The following DIP2A variants were observed in gnomAD, a reference collection of about 807,000 sequenced individuals.
The protein encoded by DIP2A is DIP2 acetate--CoA ligase A.
A neutral mutation model predicts 177.4 loss-of-function variants in DIP2A; 85 were observed. The observed-to-expected ratio is 0.48, with a 90% CI of 0.40 to 0.57. DIP2A has a LOEUF of 0.57. DIP2A is among the 20% of genes least tolerant of loss of function. The pLI is 0.00. For missense variants in DIP2A, 1,791 were observed against 2,100.2 expected, an observed-to-expected ratio of 0.85 and a Z score of 2.88; for synonymous variants, 886 against 881.8, an observed-to-expected ratio of 1.00 and a Z score of -0.08.
At chr21:46,520,284 CAA>C (rs541001946) in intron 8 of DIP2A, among the ~76,000 whole-genome samples, 127 of 152,232 alleles carry the variant, frequency 8.3e-4, no homozygotes, top group Middle Eastern at 3.4e-3. Context: ...AAAAACAAAA[CAA>C]AGAATCAGCA....
rs77476181 is a variant in DIP2A at position 46,515,871 on chromosome 21, A to G, written c.1102+4257A>G. On this transcript the variant is annotated intron_variant, in intron 8 of 37. Transcript: ENST00000417564. Reference sequence around the variant, plus strand: ...TGTTTGTTTGTTGTTTTAATCAACCATACATTTTTATTCTTTCTTTTACTA... The same window carrying G: ...TGTTTGTTTGTTGTTTTAATCAACCGTACATTTTTATTCTTTCTTTTACTA... 6.3e-3 allele frequency among the ~76,000 whole-genome samples: 952 copies of G among 152,244 alleles called. 12 individuals carry two copies. The highest frequency in any genetic ancestry group is 0.022 in the African/African-American group (915 of 41,542).
chr21:46,576,486 G>A, the DIP2A span, among the ~76,000 whole-genome samples: 1 of 152,116 alleles, frequency 6.6e-6, no homozygotes, highest in Non-Finnish European at 1.5e-5. Context: ...AGTATTCCAT[G>A]GTGTAAATGT....
rs994620477 is a variant in DIP2A, at chr21:46,563,436, G to A, written c.4090-422G>A. 6.6e-5 allele frequency among the ~76,000 whole-genome samples: 10 copies of A among 152,154 alleles called. No individual in the cohort carries two copies. The highest frequency in any genetic ancestry group is 6.5e-5 in the Admixed American group (1 of 15,282). ...CAGTGCTCAGTGGTTGGACTGACTC[G>A]GAGTCACGGGCAGGAAGAACTTCCT... On this transcript the variant is annotated intron_variant, in intron 34 of 37. Coordinates refer to ENST00000417564, the MANE Select transcript of DIP2A (RefSeq NM_015151.4). The surrounding 1 kb of genome is among the most constrained non-coding windows in gnomAD (Gnocchi z 4.3).
intron 1 of DIP2A, among the ~76,000 whole-genome samples, chr21:46,472,611 A>G (rs1375994958): frequency 2.0e-5 from 3 of 152,242 alleles, no homozygotes; most frequent in Non-Finnish European, 4.4e-5. Flanking sequence ...GGGGATGGAC[A>G]TGAAGACAAA....
Position 46,537,628 on chromosome 21 carries a change from CAT to C in DIP2A, c.1801+90_1801+91del, listed in dbSNP as rs2059628931. The C allele has an allele frequency of 1.6e-6, 2 of 1,276,518 alleles. No homozygotes were observed. The highest frequency in any genetic ancestry group is 1.5e-5 in the African/African-American group (1 of 67,562). The allele number at this position is 1,276,518 out of a possible 1,614,324, so 79.1% of individuals were successfully genotyped here. ...GGTGCTTAAGAAAAAATAAAGCTGA[CAT>C]GTGGAACTGCAGATGTAGGCTGAAG... On this transcript the variant is annotated intron_variant, in intron 15 of 37. Coordinates refer to ENST00000417564, the MANE Select transcript of DIP2A (RefSeq NM_015151.4). The surrounding 1 kb of genome is among the most constrained non-coding windows in gnomAD (Gnocchi z 4.1).
At chr21:46,532,785 A>G (rs1413165940) in intron 10 of DIP2A, among the ~76,000 whole-genome samples, 1 of 152,190 alleles carries the variant, frequency 6.6e-6, no homozygotes, top group Non-Finnish European at 1.5e-5. Context: ...TTGCTGATCT[A>G]GGTATCTGTA....
At position 46,458,908 on chromosome 21, in the gene DIP2A, C is replaced by G. The variant is rs1601254385; in HGVS notation, c.-224C>G. The G allele has an allele frequency of 2.5e-5, 6 of 243,788 alleles. No homozygotes were observed. The South Asian group carries it at 1.0e-3, about 42-fold the overall frequency. The allele number at this position is 243,788 out of a possible 1,614,324, so 15.1% of individuals were successfully genotyped here. On this transcript the variant is annotated 5_prime_UTR_variant, in exon 1 of 38. Transcript: ENST00000417564. ...GCGCTCCCGTGTAGGGCCGGCCGGGCGCTCAGGAGCGCGCGGGGCAGCGGC... is the reference window on the plus strand; with the variant it reads ...GCGCTCCCGTGTAGGGCCGGCCGGGGGCTCAGGAGCGCGCGGGGCAGCGGC...
chr21:46,541,264 A>C (rs2059805123), intron 17 of DIP2A, among the ~76,000 whole-genome samples: 1 of 152,142 alleles, frequency 6.6e-6, no homozygotes, highest in Admixed American at 6.5e-5. Context: ...GAGCTTAGGA[A>C]GGCCTCTGCC....
the DIP2A span, among the ~76,000 whole-genome samples, chr21:46,580,975 T>C: frequency 1.3e-5 from 2 of 152,216 alleles, no homozygotes; most frequent in African/African-American, 4.8e-5. Context: ...ATTTCCTGAA[T>C]TTGAATGTTG....
At chr21:46,497,134 C>CT (rs11315869) in intron 4 of DIP2A, 27 bp downstream of exon 4, 7 of 1,596,442 alleles carry the variant, frequency 4.4e-6, no homozygotes, top group African/African-American at 1.4e-5. Context: ...TCAAGTGTGG[C>CT]TTTTTTTTGA....
At chr21:46,465,669 G>A (rs933968047) in intron 1 of DIP2A, among the ~76,000 whole-genome samples, 2 of 151,812 alleles carry the variant, frequency 1.3e-5, no homozygotes, top group African/African-American at 4.8e-5. Flanking sequence ...TATATTATTC[G>A]CTACCTCTCC....
chr21:46,567,366 G>T lies in DIP2A; in HGVS notation c.4464-4G>T. 6.2e-7 allele frequency: 1 copy of T among 1,611,590 alleles called. No individual in the cohort carries two copies. Among genetic ancestry groups the T allele is most frequent in the Non-Finnish European group, 8.5e-7 (1 of 1,178,438 alleles). ...ATGTGACCCAGTCTGTCTTCTCTCT[G>T]CAGTGCCGTATTCACCTGGACCAAC... On this transcript the variant is annotated splice_polypyrimidine_tract_variant and splice_region_variant and intron_variant, in intron 37 of 37. Coordinates refer to ENST00000417564, the MANE Select transcript of DIP2A (RefSeq NM_015151.4).
In DIP2A at chr21:46,568,335, A is replaced by T. The variant is rs1373809617; in HGVS notation, c.*713A>T. On this transcript the variant is annotated 3_prime_UTR_variant, in exon 38 of 38. Coordinates refer to ENST00000417564, the MANE Select transcript of DIP2A (RefSeq NM_015151.4). ...GGAGACCGAGACCATCCTGGCTAAC[A>T]TGGTGAAACCCTGTCTCTACTAAAA... 6.6e-6 allele frequency: 1 copy of T among 152,204 alleles called. No homozygotes were observed. The highest frequency in any genetic ancestry group is 2.4e-5 in the African/African-American group (1 of 41,442). The allele number at this position is 152,204 out of a possible 1,614,324, so 9.4% of individuals were successfully genotyped here.
At chr21:46,532,330 C>A in intron 10 of DIP2A, 93 bp downstream of exon 10, 2 of 1,024,708 alleles carry the variant, frequency 2.0e-6, no homozygotes, top group South Asian at 1.6e-5. Flanking sequence ...GGGCAGGCAG[C>A]AAGCAGCTGT....
At chr21:46,506,731 T>TCTTC (rs1186713899) in intron 6 of DIP2A, among the ~76,000 whole-genome samples, 13 of 73,904 alleles carry the variant, frequency 1.8e-4, no homozygotes, top group South Asian at 4.6e-4. Context: ...TGTTTTTCTT[T>TCTTC]CTTTCTTTCT....
chr21:46,541,370 T>C (rs2059810302), intron 17 of DIP2A, among the ~76,000 whole-genome samples: 1 of 152,160 alleles, frequency 6.6e-6, no homozygotes, highest in Non-Finnish European at 1.5e-5. Flanking sequence ...ACCTGGTCTC[T>C]CAGAGTGAGC....
intron 20 of DIP2A, chr21:46,546,167 A>G: frequency 2.2e-6 from 3 of 1,348,302 alleles, no homozygotes; most frequent in Non-Finnish European, 1.9e-6. Context: ...TCCTGCACAC[A>G]GGCCTGAGTC....
At chr21:46,539,287 C>T (rs1444245763) in intron 16 of DIP2A, 1 of 168,838 alleles carries the variant, frequency 5.9e-6, no homozygotes, top group East Asian at 1.8e-4. Context: ...TGTCTATGCA[C>T]TGGAGACTAC....
chr21:46,506,864 G>A (rs1366168748), intron 6 of DIP2A, among the ~76,000 whole-genome samples: 3 of 140,442 alleles, frequency 2.1e-5, no homozygotes, highest in Non-Finnish European at 3.0e-5. Flanking sequence ...GCAGTGGTGC[G>A]ATCTTGGCTC....
Sources: allele counts gnomAD v4.1 joint callset (sites outside exome capture counted in the v4.1 genomes callset), GRCh38; gene constraint gnomAD v4.1.1; non-coding constraint Gnocchi (gnomAD v3.1); transcripts MANE v1.5; gene names NCBI Gene and HGNC (gene_info 2026-07-23, HGNC 2026-07-21).